Variants in KCNQ5 observed in about 807,000 individuals in gnomAD.
The protein encoded by KCNQ5 is potassium voltage-gated channel subfamily KQT member 5.
In KCNQ5, 30 loss-of-function variants were observed where a neutral mutation model predicts 98.2. The observed-to-expected ratio is 0.31, with a 90% CI of 0.23 to 0.41. The LOEUF is 0.41. Among genes scored for constraint, KCNQ5 ranks in the 10% least tolerant of loss-of-function variants. The pLI is 1.00. For missense variants in KCNQ5, 835 were observed against 1,182.5 expected (o/e 0.71, Z 4.31); for synonymous variants, 458 against 449.4 (o/e 1.02, Z -0.24).
intron 1 of KCNQ5, among the ~76,000 whole-genome samples, chr6:73,000,568 A>G (rs754254514): frequency 2.0e-5 from 3 of 152,310 alleles, no homozygotes; most frequent in Non-Finnish European, 4.4e-5. Context: ...TCTTCTCCCC[A>G]AAACCAGTTT....
intron 1 of KCNQ5, among the ~76,000 whole-genome samples, chr6:72,979,867 G>A (rs1768349943): frequency 1.3e-5 from 2 of 152,184 alleles, no homozygotes; most frequent in Admixed American, 1.3e-4. Context: ...GTGTAAGGAA[G>A]GGATCCAGTT....
At chr6:73,160,673 C>T (rs935620327) in intron 10 of KCNQ5, among the ~76,000 whole-genome samples, 1 of 152,152 alleles carries the variant, frequency 6.6e-6, no homozygotes, top group Non-Finnish European at 1.5e-5. Context: ...TCAGCAGCAC[C>T]AAGGAACACA....
chr6:72,808,282 A>G (rs1382578536), intron 1 of KCNQ5, among the ~76,000 whole-genome samples: 1 of 152,224 alleles, frequency 6.6e-6, no homozygotes, highest in Admixed American at 6.5e-5. Context: ...GGATACATAA[A>G]AGGAGTATTC....
chr6:73,075,819 AGAT>A (rs1212748072), intron 3 of KCNQ5, among the ~76,000 whole-genome samples: 4 of 152,138 alleles, frequency 2.6e-5, no homozygotes, highest in Admixed American at 6.5e-5. Flanking sequence ...CAAGGCTGGC[AGAT>A]GATGTGAGCT....
chr6:73,001,566 C>A (rs531574081), intron 1 of KCNQ5, among the ~76,000 whole-genome samples: 1 of 152,172 alleles, frequency 6.6e-6, no homozygotes, highest in South Asian at 2.1e-4. Context: ...TAAATAATCC[C>A]CTGCTCGCTT....
At chr6:72,820,987 A>G (rs2150113614) in intron 1 of KCNQ5, among the ~76,000 whole-genome samples, 1 of 152,318 alleles carries the variant, frequency 6.6e-6, no homozygotes, top group East Asian at 1.9e-4. Flanking sequence ...TATATGGATA[A>G]TGGCAAAGCA....
chr6:72,737,458 AAC>A (rs1465035927), intron 1 of KCNQ5, among the ~76,000 whole-genome samples: 2 of 152,112 alleles, frequency 1.3e-5, no homozygotes, highest in Non-Finnish European at 2.9e-5. Flanking sequence ...CTATCCAGAA[AAC>A]ACAGGTGATT....
chr6:73,043,218 C>T (rs1461315359), intron 3 of KCNQ5: 1 of 347,200 alleles, frequency 2.9e-6, no homozygotes, highest in East Asian at 8.3e-5. Context: ...TCATAGTATG[C>T]ACATCTCAAA....
At chr6:72,706,305 G>T (rs1443331182) in intron 1 of KCNQ5, among the ~76,000 whole-genome samples, 1 of 151,716 alleles carries the variant, frequency 6.6e-6, no homozygotes, top group Non-Finnish European at 1.5e-5. Context: ...TGTGTAAGAT[G>T]AAGGATTCTG....
intron 1 of KCNQ5, among the ~76,000 whole-genome samples, chr6:72,758,056 T>C (rs1232620391): frequency 6.6e-6 from 1 of 151,878 alleles, no homozygotes; most frequent in African/African-American, 2.4e-5. Flanking sequence ...GCAGGAGGCA[T>C]GGACAGGATT....
chr6:72,769,411 C>T (rs996486949), intron 1 of KCNQ5, among the ~76,000 whole-genome samples: 2 of 151,956 alleles, frequency 1.3e-5, no homozygotes, highest in African/African-American at 4.8e-5. Flanking sequence ...AATATGAGGG[C>T]TATCTGTATT....
chr6:73,072,529 A>C lies in KCNQ5; in HGVS notation c.617-4793A>C, dbSNP rs1773342411. ...ATGAAGGCTTTTTGGTATTTCAGTG[A>C]CTAACACCTTTTAGACAGGGTCCAT... On this transcript the variant is annotated intron_variant, in intron 3 of 13. Transcript: ENST00000370398. Among the ~76,000 whole-genome samples, 5 of 152,322 alleles carry C rather than the reference A, an allele frequency of 3.3e-5. No individual in the cohort carries two copies. The South Asian group carries it at 1.0e-3, about 32-fold the overall frequency.
At chr6:72,908,236 A>C (rs567785005) in intron 1 of KCNQ5, among the ~76,000 whole-genome samples, 3 of 152,228 alleles carry the variant, frequency 2.0e-5, no homozygotes, top group East Asian at 3.9e-4. Context: ...ATGTACACCA[A>C]AGGATACAAA....
chr6:72,753,457 G>T (rs1582225283), intron 1 of KCNQ5, among the ~76,000 whole-genome samples: 5 of 151,792 alleles, frequency 3.3e-5, no homozygotes, highest in Admixed American at 3.3e-4. Context: ...AAATATATAG[G>T]AGAAGGAGTC....
rs138732295 is a variant in KCNQ5 at position 72,934,858 on chromosome 6, G to T, written c.399-69050G>T. 2.0e-3 allele frequency among the ~76,000 whole-genome samples: 299 copies of T among 152,116 alleles called. 8 individuals are homozygous for T. In the East Asian group the frequency reaches 0.052, roughly 27 times the overall value. On this transcript the variant is annotated intron_variant, in intron 1 of 13. Coordinates refer to ENST00000370398, the MANE Select transcript of KCNQ5 (RefSeq NM_019842.4). ...TTATTCTTGCAACAGTCACTTTAGTGTCCCCAATCCCACTAAATCTTTGGC... is the reference window on the plus strand; with the variant it reads ...TTATTCTTGCAACAGTCACTTTAGTTTCCCCAATCCCACTAAATCTTTGGC...
At chr6:72,926,349 C>G (rs186554416) in intron 1 of KCNQ5, among the ~76,000 whole-genome samples, 28 of 152,282 alleles carry the variant, frequency 1.8e-4, no homozygotes, top group Admixed American at 1.5e-3. Context: ...TTATGGAAAA[C>G]AGCTGTTGAA....
chr6:72,664,786 G>C (rs138861619), intron 1 of KCNQ5, among the ~76,000 whole-genome samples: 8 of 152,290 alleles, frequency 5.3e-5, no homozygotes, highest in Non-Finnish European at 8.8e-5. Context: ...ATGACTCGAG[G>C]TAAGGCCATC....
chr6:73,007,155 C>A (rs1769851171), intron 2 of KCNQ5, among the ~76,000 whole-genome samples: 1 of 152,172 alleles, frequency 6.6e-6, no homozygotes, highest in South Asian at 2.1e-4. Context: ...TGTAACTTCA[C>A]AAACTTGCCT....
intron 1 of KCNQ5, among the ~76,000 whole-genome samples, chr6:72,755,786 A>G (rs1264797615): frequency 1.3e-5 from 2 of 152,152 alleles, no homozygotes; most frequent in Admixed American, 6.5e-5. Context: ...CTTTATTTCT[A>G]TCATTTTCAG....
Sources: gnomAD v4.1 joint callset for allele counts (sites outside exome capture counted in the v4.1 genomes callset) on GRCh38, gnomAD v4.1.1 for gene constraint, MANE v1.5 for transcripts, NCBI Gene and HGNC (gene_info 2026-07-23, HGNC 2026-07-21) for gene names.